LGI3: variants seen among roughly 807,000 people sequenced by gnomAD.
LGI3 encodes the protein leucine rich repeat LGI family member 3, also known as leucine-rich repeat LGI family member 3.
Under a neutral mutation model 55.4 loss-of-function variants are expected in LGI3, and 47 were observed. The ratio of observed to expected loss-of-function variants is 0.85; its 90% CI spans 0.67 to 1.08. The LOEUF is 1.08. Among genes scored for constraint, LGI3 ranks in the 50% least tolerant of loss-of-function variants. LGI3 has a pLI of 0.00. For missense variants in LGI3, 664 were observed against 726.3 expected, an observed-to-expected ratio of 0.91 and a Z score of 0.99; for synonymous variants, 326 against 315.0, an observed-to-expected ratio of 1.04 and a Z score of -0.37.
rs1827509678 is a variant in LGI3 at position 22,156,575 on chromosome 8, C to G, written c.-33G>C. Reference sequence around the variant, plus strand: ...GCGATCTCTCCCTGGGGCCGGCGGCCGCGGCCCCCGCCCCACCGCTCCCGC... The same window carrying G: ...GCGATCTCTCCCTGGGGCCGGCGGCGGCGGCCCCCGCCCCACCGCTCCCGC... On this transcript the variant is annotated 5_prime_UTR_variant, in exon 1 of 8. Transcript: ENST00000306317. 1.1e-6 allele frequency: 1 copy of G among 884,020 alleles called. No individual in the cohort carries two copies. The highest frequency in any genetic ancestry group is 1.5e-6 in the Non-Finnish European group (1 of 676,030). 54.8% of individuals were successfully genotyped at this position (884,020 alleles called of 1,614,324 possible). A position where few individuals can be genotyped will look rare whatever the true frequency, so the allele number is the denominator to read the frequency against.
At chr8:22,153,075 CT>C (rs572007865) in intron 5 of LGI3, among the ~76,000 whole-genome samples, 19,829 of 127,808 alleles carry the variant, frequency 0.16, 1,478 homozygotes, top group Middle Eastern at 0.2. Context: ...TTTTAAAGTA[CT>C]TTTTTTTTTT....
intron 2 of LGI3, 79 bp downstream of exon 2, chr8:22,155,313 T>G: frequency 7.4e-7 from 1 of 1,348,562 alleles, no homozygotes; most frequent in African/African-American, 1.4e-5. Flanking sequence ...CTGTCCACTC[T>G]CCCTCTCCCC....
chr8:22,148,915 G>A lies in LGI3; in HGVS notation c.892C>T (p.Gln298Ter). The change falls in exon 8 of 8, where the codon CAG becomes TAG. Residue 298 changes from glutamine (Q) to a stop codon, truncating the protein, a stop_gained. Coordinates refer to ENST00000306317, the MANE Select transcript of LGI3 (RefSeq NM_139278.4). LOFTEE classifies it high-confidence loss of function. The surrounding 1 kb of genome is among the most constrained non-coding windows in gnomAD (Gnocchi z 7.0). ...TAAATGTAAGAGCCGCCAAACAGCT[G>A]GGCCACGACCACGTACAGCTGGCTG... ...VDSQLYVVVAQLFGGSYIYHW... is the reference protein window; with the variant it reads ...VDSQLYVVVA The A allele has an allele frequency of 3.7e-6, 6 of 1,614,136 alleles. No homozygotes were observed. Among genetic ancestry groups the A allele is most frequent in the Non-Finnish European group, 5.1e-6 (6 of 1,180,022 alleles).
In LGI3 at chr8:22,152,491, C is replaced by T. The variant is rs554631507; in HGVS notation, c.495-491G>A. On this transcript the variant is annotated intron_variant, in intron 5 of 7. Transcript: ENST00000306317. ...GGGCATGGTGGCTCACACCTGTAAT[C>T]CCAACACTTTGGGAGGCTGAGGTGG... is the stretch of plus-strand genomic sequence containing the variant. Among the ~76,000 whole-genome samples the T allele has an allele frequency of 2.6e-3, 394 of 152,286 alleles. 1 individual carries two copies. The highest frequency in any genetic ancestry group is 9.2e-3 in the African/African-American group (382 of 41,556).
chr8:22,150,056 A>T (rs556143439), intron 7 of LGI3, among the ~76,000 whole-genome samples: 1 of 152,156 alleles, frequency 6.6e-6, no homozygotes, highest in East Asian at 1.9e-4. Context: ...CAATCCAGAA[A>T]CCTGGCAGTC....
intron 5 of LGI3, among the ~76,000 whole-genome samples, chr8:22,153,503 C>G (rs1424277916): frequency 6.6e-6 from 1 of 151,750 alleles, no homozygotes; most frequent in African/African-American, 2.4e-5. Context: ...GAGCTCGAGA[C>G]CAGTCTGGCC....
In LGI3 at chr8:22,147,780, A is replaced by G; in HGVS notation, c.*380T>C. 1 of 199,198 alleles carries G rather than the reference A, an allele frequency of 5.0e-6. No individual in the cohort carries two copies. Among genetic ancestry groups the G allele is most frequent in the Non-Finnish European group, 1.0e-5 (1 of 96,986 alleles). The allele number at this position is 199,198 out of a possible 1,614,324, so 12.3% of individuals were successfully genotyped here. A position where few individuals can be genotyped will look rare whatever the true frequency, so the allele number is the denominator to read the frequency against. On this transcript the variant is annotated 3_prime_UTR_variant, in exon 8 of 8. Transcript: ENST00000306317. ...AAACAATGCCTGGAGCACCAACAGGAAAGACCAGAGGGGCAGAAGGAGAAG... is the reference window on the plus strand; with the variant it reads ...AAACAATGCCTGGAGCACCAACAGGGAAGACCAGAGGGGCAGAAGGAGAAG...
At chr8:22,156,288 TCG>T in intron 1 of LGI3, 47 bp downstream of exon 1, 1 of 1,592,670 alleles carries the variant, frequency 6.3e-7, no homozygotes, top group African/African-American at 1.3e-5. Context: ...AGAGCTGTCC[TCG>T]GCCTCCTCTC....
At chr8:22,154,114 G>A in intron 4 of LGI3, 28 bp downstream of exon 4, 1 of 1,611,476 alleles carries the variant, frequency 6.2e-7, no homozygotes, top group Non-Finnish European at 8.5e-7. Flanking sequence ...GGGCTTTGGT[G>A]CAGTGTGTGT....
At chr8:22,153,725 A>AC (rs1377596954) in intron 5 of LGI3, among the ~76,000 whole-genome samples, 13,058 of 135,468 alleles carry the variant, frequency 0.096, 736 homozygotes, top group East Asian at 0.28. Flanking sequence ...AAAAAAAAAA[A>AC]ACACACACAC....
In LGI3 at chr8:22,156,606, G is replaced by A; in HGVS notation, c.-64C>T. The A allele has an allele frequency of 1.8e-6, 1 of 541,260 alleles. No homozygotes were observed. Among genetic ancestry groups the A allele is most frequent in the Non-Finnish European group, 2.6e-6 (1 of 380,470 alleles). The allele number at this position is 541,260 out of a possible 1,614,324, so 33.5% of individuals were successfully genotyped here. ...CCCCGCCCCACCGCTCCCGCGGCTG[G>A]GCCACCCCGCGCGGGCTGGCACCTC... On this transcript the variant is annotated 5_prime_UTR_variant, in exon 1 of 8. Transcript: ENST00000306317.
intron 5 of LGI3, 145 bp downstream of exon 5, chr8:22,153,823 C>A: frequency 4.0e-6 from 3 of 750,150 alleles, no homozygotes; most frequent in Non-Finnish European, 6.9e-6. Context: ...TCTAACTCCA[C>A]CTCCTCACCT....
At chr8:22,154,764 T>G in intron 2 of LGI3, 133 bp from the exon 3 acceptor site, 1 of 684,946 alleles carries the variant, frequency 1.5e-6, no homozygotes, top group Non-Finnish European at 2.6e-6. Flanking sequence ...CCATGGGGAA[T>G]CCCTGGGCCA....
rs1827500877 is a variant in LGI3, at chr8:22,156,397, G to T, written c.146C>A (p.Thr49Asn). ...CPPSCSCTRDTAFCVDSKAVP... is the reference protein window; with the variant it reads ...CPPSCSCTRDNAFCVDSKAVP... ...CGCCTTTGAGTCCACGCAGAAGGCGGTGTCCCTGGTGCAAGAGCAGCTGGG... is the reference window on the plus strand; with the variant it reads ...CGCCTTTGAGTCCACGCAGAAGGCGTTGTCCCTGGTGCAAGAGCAGCTGGG... The change falls in exon 1 of 8, where the codon ACC becomes AAC. Residue 49 changes from threonine (T) to asparagine (N), a missense_variant. By Grantham distance (65) the Thr-to-Asn change is moderately conservative (BLOSUM62 0). Coordinates refer to ENST00000306317, the MANE Select transcript of LGI3 (RefSeq NM_139278.4). 1.2e-6 allele frequency: 2 copies of T among 1,602,778 alleles called. No homozygotes were observed. Among genetic ancestry groups the T allele is most frequent in the Non-Finnish European group, 8.5e-7 (1 of 1,175,922 alleles).
At chr8:22,154,495 C>T (rs1827460836) in intron 3 of LGI3, 65 bp downstream of exon 3, 13 of 1,419,908 alleles carry the variant, frequency 9.2e-6, no homozygotes, top group African/African-American at 4.2e-5. Context: ...CCCAGTCCCT[C>T]GGCCTCCCAG....
chr8:22,148,906 C>T lies in LGI3; in HGVS notation c.901G>A (p.Gly301Ser). 6.2e-7 allele frequency: 1 copy of T among 1,614,132 alleles called. No individual in the cohort carries two copies. The highest frequency in any genetic ancestry group is 1.1e-5 in the South Asian group (1 of 91,074). Residue 301 changes from glycine to serine, a missense_variant, in exon 8 of 8, where the codon GGC becomes AGC. Transcript: ENST00000306317. The surrounding 1 kb of genome is among the most constrained non-coding windows in gnomAD (Gnocchi z 7.0). ...QLYVVVAQLF[G>S]GSYIYHWDPN... ...TCCCAGTGGTAAATGTAAGAGCCGC[C>T]AAACAGCTGGGCCACGACCACGTAC...
In LGI3 at chr8:22,148,338, G is replaced by A. The variant is rs1827332611; in HGVS notation, c.1469C>T (p.Thr490Ile). 3 of 1,614,138 alleles carry A rather than the reference G, an allele frequency of 1.9e-6. No homozygotes were observed. Among genetic ancestry groups the A allele is most frequent in the Non-Finnish European group, 1.7e-6 (2 of 1,180,016 alleles). Residue 490 changes from threonine (T) to isoleucine (I), a missense_variant, in exon 8 of 8, where the codon ACC becomes ATC. By Grantham distance (89) the Thr-to-Ile change is moderately conservative. Transcript: ENST00000306317. The surrounding 1 kb of genome is among the most constrained non-coding windows in gnomAD (Gnocchi z 7.0). ...TCCCTCATCCCACTGGTAGATCTGG[G>A]TGAAGGAGAAATCACTGCCCAGTGC... is the stretch of plus-strand genomic sequence containing the variant. ...YLALGSDFSF[T>I]QIYQWDEGRQ...
intron 4 of LGI3, 22 bp from the exon 5 acceptor site, chr8:22,154,061 C>T (rs751569631): frequency 2.3e-5 from 37 of 1,613,876 alleles, no homozygotes; most frequent in Admixed American, 3.3e-5. Context: ...ACCGCCAGGT[C>T]ATCTGAAGAT....
intron 2 of LGI3, chr8:22,155,112 C>T: frequency 2.0e-6 from 1 of 510,252 alleles, no homozygotes; most frequent in Non-Finnish European, 3.5e-6. Flanking sequence ...CAGGCTATCG[C>T]ACCCAATTCT....
Sources: allele counts gnomAD v4.1 joint callset (sites outside exome capture counted in the v4.1 genomes callset), GRCh38; gene constraint gnomAD v4.1.1; non-coding constraint Gnocchi (gnomAD v3.1); transcripts MANE v1.5; gene names NCBI Gene and HGNC (gene_info 2026-07-23, HGNC 2026-07-21).